Variants in ELAPOR1 observed in about 807,000 individuals in gnomAD.
The protein encoded by ELAPOR1 is endosome/lysosome-associated apoptosis and autophagy regulator 1.
In ELAPOR1, 77 loss-of-function variants were observed where a neutral mutation model predicts 119.7. That is an observed-to-expected ratio of 0.64 (90% CI 0.54 to 0.78). The LOEUF is 0.78. Among genes scored for constraint, ELAPOR1 ranks in the 30% least tolerant of loss-of-function variants. ELAPOR1 has a pLI of 0.00. For missense variants in ELAPOR1, 1,115 were observed against 1,270.4 expected (o/e 0.88, Z 1.86); for synonymous variants, 481 against 487.2 (o/e 0.99, Z 0.17).
At chr1:109,162,068 C>A (rs1332458112) in intron 2 of ELAPOR1, 54 bp downstream of exon 2, 4 of 1,564,480 alleles carry the variant, frequency 2.6e-6, no homozygotes, top group Non-Finnish European at 3.5e-6. Flanking sequence ...GGTCTCTCCC[C>A]CAAGTCTCCT....
At chr1:109,201,146 G>A (rs1217339393) in intron 21 of ELAPOR1, among the ~76,000 whole-genome samples, 1 of 152,218 alleles carries the variant, frequency 6.6e-6, no homozygotes, top group Non-Finnish European at 1.5e-5. Context: ...ACTCCAGTTA[G>A]TGAACTGTTT....
At chr1:109,128,672 T>TA (rs1024775740) in intron 1 of ELAPOR1, among the ~76,000 whole-genome samples, 3 of 152,230 alleles carry the variant, frequency 2.0e-5, no homozygotes, top group Non-Finnish European at 1.5e-5. Context: ...GCCATTGGGT[T>TA]AAAAAAGTAT....
In ELAPOR1 at chr1:109,172,359, A is replaced by C. The variant is rs1183416791; in HGVS notation, c.616-129A>C. The stretch of plus-strand genomic sequence containing the variant: ...TTTGAGGCTCATGTGTTTTGAGCTC[A>C]ATCCCTAAAGGAAATTGGCAACTCT... On this transcript the variant is annotated intron_variant, in intron 4 of 21. Coordinates refer to ENST00000369939, the MANE Select transcript of ELAPOR1 (RefSeq NM_020775.5). 5.8e-6 allele frequency: 4 copies of C among 687,614 alleles called. No individual in the cohort carries two copies. In the South Asian group the frequency reaches 7.4e-5, roughly 13 times the overall value. 42.6% of individuals were successfully genotyped at this position (687,614 alleles called of 1,614,324 possible). A position where few individuals can be genotyped will look rare whatever the true frequency, so the allele number is the denominator to read the frequency against.
chr1:109,172,391 A>G, intron 4 of ELAPOR1, 97 bp from the exon 5 acceptor site: 1 of 875,420 alleles, frequency 1.1e-6, no homozygotes, highest in South Asian at 1.5e-5. Context: ...CTCTTCCCAT[A>G]TAAAGAAGGG....
intron 12 of ELAPOR1, 22 bp downstream of exon 12, chr1:109,191,493 C>G (rs369573829): frequency 3.8e-6 from 6 of 1,594,964 alleles, no homozygotes; most frequent in Middle Eastern, 3.3e-4. Context: ...TTTCTTTGCC[C>G]GCTAGAGGGC....
intron 1 of ELAPOR1, among the ~76,000 whole-genome samples, chr1:109,143,578 T>C (rs919507060): frequency 1.3e-5 from 2 of 152,242 alleles, no homozygotes; most frequent in Admixed American, 1.3e-4. Context: ...TAAAACTTCC[T>C]AAATTGTATA....
intron 7 of ELAPOR1, among the ~76,000 whole-genome samples, chr1:109,180,744 T>G (rs1652640464): frequency 6.6e-6 from 1 of 151,648 alleles, no homozygotes; most frequent in Non-Finnish European, 1.5e-5. Context: ...GCAGGAGGAG[T>G]GCTTGAGGCC....
At chr1:109,122,915 C>T (rs1648538651) in intron 1 of ELAPOR1, among the ~76,000 whole-genome samples, 1 of 152,128 alleles carries the variant, frequency 6.6e-6, no homozygotes, top group Non-Finnish European at 1.5e-5. Flanking sequence ...CATGATGGCA[C>T]CAGAGTAAGA....
At chr1:109,125,617 C>T (rs1411518418) in intron 1 of ELAPOR1, among the ~76,000 whole-genome samples, 1 of 151,204 alleles carries the variant, frequency 6.6e-6, no homozygotes, top group Non-Finnish European at 1.5e-5. Flanking sequence ...ATCTCTTGAC[C>T]TTGTGATCTG....
At chr1:109,144,314 A>C (rs1331614755) in intron 1 of ELAPOR1, among the ~76,000 whole-genome samples, 3 of 151,616 alleles carry the variant, frequency 2.0e-5, no homozygotes, top group African/African-American at 4.8e-5. Flanking sequence ...GGCCTCCCAA[A>C]GTGCTGAGAT....
At chr1:109,157,443 TG>T (rs956092737) in intron 1 of ELAPOR1, among the ~76,000 whole-genome samples, 18 of 152,172 alleles carry the variant, frequency 1.2e-4, no homozygotes, top group African/African-American at 4.3e-4. Flanking sequence ...CTATCGCACA[TG>T]GGGAAAAGGC....
At chr1:109,136,894 C>A (rs1458589817) in intron 1 of ELAPOR1, among the ~76,000 whole-genome samples, 3 of 152,154 alleles carry the variant, frequency 2.0e-5, no homozygotes, top group Non-Finnish European at 1.5e-5. Context: ...TAACTGGGAC[C>A]AGGAGAACTG....
intron 7 of ELAPOR1, among the ~76,000 whole-genome samples, chr1:109,181,000 G>A (rs1018656617): frequency 1.3e-5 from 2 of 152,076 alleles, no homozygotes; most frequent in African/African-American, 4.8e-5. Flanking sequence ...TCCTGGTACA[G>A]GTAACACTCA....
At chr1:109,129,538 C>T (rs1649010328) in intron 1 of ELAPOR1, among the ~76,000 whole-genome samples, 2 of 152,096 alleles carry the variant, frequency 1.3e-5, no homozygotes, top group Admixed American at 1.3e-4. Flanking sequence ...CAAAACAAAA[C>T]AAAAACACAC....
chr1:109,198,618 C>T lies in ELAPOR1; in HGVS notation c.2445C>T (p.Thr815=), dbSNP rs1441526261. The T allele has an allele frequency of 6.2e-7, 1 of 1,614,022 alleles. No homozygotes were observed. ...TQSCSSGRST[T]IRVRCSPQKT... ...CCTGCAGTTCTGGGAGATCAACCAC[C>T]ATCCGCGTCAGGTGCAGTCCACAGA... Residue 815 remains threonine, a synonymous_variant, in exon 18 of 22, where the codon ACC becomes ACT. Transcript: ENST00000369939.
At chr1:109,140,985 G>A (rs1283683059) in intron 1 of ELAPOR1, among the ~76,000 whole-genome samples, 3 of 152,194 alleles carry the variant, frequency 2.0e-5, no homozygotes, top group Non-Finnish European at 2.9e-5. Context: ...CCAAGTAGCA[G>A]GGATTACAGG....
intron 1 of ELAPOR1, among the ~76,000 whole-genome samples, chr1:109,122,407 C>A (rs1648495056): frequency 6.6e-6 from 1 of 151,100 alleles, no homozygotes; most frequent in South Asian, 2.1e-4. Context: ...CCCGGTAATC[C>A]CAGTACTTTG....
At chr1:109,176,244 A>G (rs1652276803) in intron 7 of ELAPOR1, among the ~76,000 whole-genome samples, 1 of 152,228 alleles carries the variant, frequency 6.6e-6, no homozygotes, top group Non-Finnish European at 1.5e-5. Context: ...CAGTGCCAGC[A>G]GATGGCTTTC....
At position 109,199,884 on chromosome 1, in the gene ELAPOR1, C is replaced by T; in HGVS notation, c.2532C>T (p.Cys844=). Reference sequence around the variant, plus strand: ...GCTCGGATGGGACCTGTGATGGCTGCAACTTCCACTTCCTGTGGGAGAGCG... The same window carrying T: ...GCTCGGATGGGACCTGTGATGGCTGTAACTTCCACTTCCTGTGGGAGAGCG... The part of the protein sequence containing the change: ...GTCSDGTCDG[C]NFHFLWESAA... The change falls in exon 19 of 22, where the codon TGC becomes TGT. Residue 844 remains cysteine (C), a synonymous_variant. Coordinates refer to ENST00000369939, the MANE Select transcript of ELAPOR1 (RefSeq NM_020775.5). 1 of 1,613,440 alleles carries T rather than the reference C, an allele frequency of 6.2e-7. No individual in the cohort carries two copies. Among genetic ancestry groups the T allele is most frequent in the Non-Finnish European group, 8.5e-7 (1 of 1,180,034 alleles).
Sources: allele counts gnomAD v4.1 joint callset (sites outside exome capture counted in the v4.1 genomes callset), GRCh38; gene constraint gnomAD v4.1.1; transcripts MANE v1.5; gene names NCBI Gene and HGNC (gene_info 2026-07-23, HGNC 2026-07-21).